The following DNAH14 variants were observed in gnomAD, a reference collection of about 807,000 sequenced individuals.
DNAH14 encodes the protein dynein axonemal heavy chain 14, also known as axonemal beta dynein heavy chain 14.
DNAH14 carries 478 observed loss-of-function variants against 520.9 expected under a neutral mutation model. The ratio of observed to expected loss-of-function variants is 0.92; its 90% confidence interval spans 0.85 to 0.99. DNAH14 has a LOEUF of 0.99. Ranked by LOEUF, DNAH14 falls within the 50% of genes least tolerant of loss-of-function variation. The pLI is 0.00. For synonymous variants in DNAH14, 1,581 were observed against 1,757.2 expected (o/e 0.90, Z 2.51); for missense variants, 4,831 against 5,234.5 (o/e 0.92, Z 2.38).
Position 225,335,940 on chromosome 1 carries a change from CATATATGTA to C in DNAH14, c.10081-1325_10081-1317del, listed in dbSNP as rs1419702786. On this transcript the variant is annotated intron_variant, in intron 66 of 85. Coordinates refer to ENST00000682510, the MANE Select transcript of DNAH14 (RefSeq NM_001367479.1). ...ATATATGCACATATACCTATATATACATATATGTATATATACACATATACATATATGTAC... is the reference window on the plus strand; with the variant it reads ...ATATATGCACATATACCTATATATACTATATACACATATACATATATGTAC... Among the ~76,000 whole-genome samples the C allele has an allele frequency of 7.1e-5, 8 of 113,386 alleles. No individual in the cohort carries two copies. The South Asian group carries it at 2.3e-3, about 32-fold the overall frequency. 74.4% of individuals were successfully genotyped at this position (113,386 alleles called of 152,430 possible). A position where few individuals can be genotyped will look rare whatever the true frequency, so the allele number is the denominator to read the frequency against.
intron 27 of DNAH14, among the ~76,000 whole-genome samples, chr1:225,135,870 G>C (rs979450816): frequency 6.6e-6 from 1 of 151,918 alleles, no homozygotes; most frequent in East Asian, 1.9e-4. Flanking sequence ...ATTTAGGGTA[G>C]TTATCACTTG....
At chr1:225,034,148 A>AG (rs1356479886) in intron 11 of DNAH14, among the ~76,000 whole-genome samples, 1 of 152,066 alleles carries the variant, frequency 6.6e-6, no homozygotes, top group Non-Finnish European at 1.5e-5. Context: ...CTGTTTTTCA[A>AG]GGGGGATGCT....
At chr1:225,168,687 G>C (rs2082291974) in intron 36 of DNAH14, among the ~76,000 whole-genome samples, 1 of 152,216 alleles carries the variant, frequency 6.6e-6, no homozygotes, top group African/African-American at 2.4e-5. Context: ...CGCAGCTCAA[G>C]GAGGCCTGCC....
chr1:225,343,601 T>C lies in DNAH14; in HGVS notation c.10679-2361T>C, dbSNP rs1285121732. On this transcript the variant is annotated intron_variant, in intron 69 of 85. Coordinates refer to ENST00000682510, the MANE Select transcript of DNAH14 (RefSeq NM_001367479.1). ...GCTTAATTATATTTTATATTAGAAATACAGGCAAATCCTCACTTAGAAGCA... is the reference window on the plus strand; with the variant it reads ...GCTTAATTATATTTTATATTAGAAACACAGGCAAATCCTCACTTAGAAGCA... Among the ~76,000 whole-genome samples, 4 of 152,222 alleles carry C rather than the reference T, an allele frequency of 2.6e-5. No individual in the cohort carries two copies. In the East Asian group the frequency reaches 7.7e-4, roughly 29 times the overall value.
intron 42 of DNAH14, among the ~76,000 whole-genome samples, chr1:225,235,331 G>A (rs533318508): frequency 1.1e-4 from 17 of 152,262 alleles, no homozygotes; most frequent in East Asian, 1.9e-4. Flanking sequence ...CTGTTTATGC[G>A]ATGAATTACA....
At chr1:225,154,789 A>AT (rs2080866414) in intron 34 of DNAH14, among the ~76,000 whole-genome samples, 1 of 151,930 alleles carries the variant, frequency 6.6e-6, no homozygotes, top group African/African-American at 2.4e-5. Flanking sequence ...TAAAACTAAG[A>AT]CTCTAAATCT....
chr1:225,259,104 T>G lies in DNAH14; in HGVS notation c.7025-17T>G, dbSNP rs2092841458. The G allele has an allele frequency of 2.0e-6, 3 of 1,536,740 alleles. No individual in the cohort carries two copies. In the South Asian group the frequency reaches 3.7e-5, roughly 19 times the overall value. ...TTTCTTGCATATACATCTAACCTTG[T>G]GTATTTTTTCCCTTAGGAGAATCTG... On this transcript the variant is annotated splice_polypyrimidine_tract_variant and intron_variant, in intron 45 of 85. Coordinates refer to ENST00000682510, the MANE Select transcript of DNAH14 (RefSeq NM_001367479.1).
rs768756821 is a variant in DNAH14 at position 225,276,090 on chromosome 1, A to G, written c.8178+9A>G. ...GTTCAATTTCTTTGGAGGTAAACAT[A>G]TATACTATATAAAAATCTGAGGAGT... On this transcript the variant is annotated intron_variant, in intron 53 of 85. Coordinates refer to ENST00000682510, the MANE Select transcript of DNAH14 (RefSeq NM_001367479.1). The G allele has an allele frequency of 3.8e-6, 1 of 265,432 alleles. No homozygotes were observed. Among genetic ancestry groups the G allele is most frequent in the Non-Finnish European group, 7.9e-6 (1 of 126,582 alleles). 16.4% of individuals were successfully genotyped at this position (265,432 alleles called of 1,614,324 possible). A position where few individuals can be genotyped will look rare whatever the true frequency, so the allele number is the denominator to read the frequency against.
In DNAH14 at chr1:225,290,148, A is replaced by T. The variant is rs1277539265; in HGVS notation, c.8469+66A>T. 4 of 1,154,046 alleles carry T rather than the reference A, an allele frequency of 3.5e-6. No individual in the cohort carries two copies. In the African/African-American group the frequency reaches 6.3e-5, roughly 18 times the overall value. 71.5% of individuals were successfully genotyped at this position (1,154,046 alleles called of 1,614,324 possible). On this transcript the variant is annotated intron_variant, in intron 55 of 85. Transcript: ENST00000682510. ...TCTATGTGGCTACCCCCTCCCCAAA[A>T]ATTTAATATTTGAAAAGAAAACAAG...
intron 73 of DNAH14, among the ~76,000 whole-genome samples, chr1:225,354,595 G>A (rs959171682): frequency 6.6e-6 from 1 of 152,024 alleles, no homozygotes; most frequent in Non-Finnish European, 1.5e-5. Flanking sequence ...GGAAACCAAG[G>A]CTTATAAATT....
chr1:225,295,124 A>C (rs1006712498), intron 55 of DNAH14, among the ~76,000 whole-genome samples: 1 of 151,508 alleles, frequency 6.6e-6, no homozygotes, highest in Non-Finnish European at 1.5e-5. Context: ...TTCACTTCTG[A>C]TTTTATTTAT....
intron 60 of DNAH14, among the ~76,000 whole-genome samples, chr1:225,317,859 T>C (rs940684216): frequency 6.6e-6 from 1 of 152,210 alleles, no homozygotes; most frequent in South Asian, 2.1e-4. Context: ...GACAAGTTTC[T>C]ATTACAATAT....
chr1:225,332,290 C>T (rs1193028111), intron 65 of DNAH14, among the ~76,000 whole-genome samples: 1 of 151,958 alleles, frequency 6.6e-6, no homozygotes, highest in African/African-American at 2.4e-5. Flanking sequence ...GAAAACAGAC[C>T]AATCAAAGGG....
rs2065898051 is a variant in DNAH14 at position 225,023,840 on chromosome 1, GA to G, written c.1340del (p.Lys447ArgfsTer42). On this transcript the variant is annotated frameshift_variant, in exon 11 of 86. Coordinates refer to ENST00000682510, the MANE Select transcript of DNAH14 (RefSeq NM_001367479.1). LOFTEE classifies it high-confidence loss of function. ...NGSAGMPFSV[E>X]KKNENLIRTF... is the part of the protein sequence containing the mutation. ...TTCTGCTGGAATGCCATTTTCAGTG[GA>G]AAAAAAGAATGAAAATCTTATCAGG... The G allele has an allele frequency of 1.1e-5, 16 of 1,520,360 alleles. No homozygotes were observed. Among genetic ancestry groups the G allele is most frequent in the African/African-American group, 1.4e-5 (1 of 71,940 alleles). 94.2% of individuals were successfully genotyped at this position (1,520,360 alleles called of 1,614,324 possible).
intron 46 of DNAH14, among the ~76,000 whole-genome samples, chr1:225,262,822 T>G (rs2092981084): frequency 6.6e-6 from 1 of 152,136 alleles, no homozygotes; most frequent in Admixed American, 6.6e-5. Flanking sequence ...GCTTTGGCTC[T>G]TCAGTCTGTC....
chr1:225,206,555 A>C (rs1184284481), intron 40 of DNAH14, among the ~76,000 whole-genome samples: 1 of 152,210 alleles, frequency 6.6e-6, no homozygotes, highest in African/African-American at 2.4e-5. Flanking sequence ...GTGGGAGGGA[A>C]GTACAAAATA....
intron 36 of DNAH14, among the ~76,000 whole-genome samples, chr1:225,183,617 A>C (rs1001184709): frequency 2.0e-5 from 3 of 152,052 alleles, no homozygotes; most frequent in African/African-American, 7.2e-5. Context: ...TATACAAAGG[A>C]TCAATGAAAC....
At position 225,207,100 on chromosome 1, in the gene DNAH14, A is replaced by C. The variant is rs763556008; in HGVS notation, c.6319A>C (p.Ile2107Leu). Reference protein sequence around the residue: ...KNSVTDGLQFIRNRQKFQPYP... With the variant: ...KNSVTDGLQFLRNRQKFQPYP... ...TAGTGTCACAGACGGACTACAATTT[A>C]TAAGGAATCGTCAGAAATTTCAGCC... Residue 2107 changes from isoleucine (I) to leucine (L), a missense_variant, in exon 41 of 86, where the codon ATA becomes CTA. Physicochemically the swap from Ile to Leu is conservative, Grantham distance 5. Transcript: ENST00000682510. 9.0e-6 allele frequency: 14 copies of C among 1,551,178 alleles called. No individual in the cohort carries two copies. The South Asian group carries it at 1.4e-4, about 16-fold the overall frequency.
At chr1:225,308,470 C>A in intron 60 of DNAH14, 60 bp downstream of exon 60, 1 of 1,465,244 alleles carries the variant, frequency 6.8e-7, no homozygotes, top group Admixed American at 2.9e-5. Context: ...ATTCCCTAAC[C>A]TTCAAATTTA....
Sources: allele counts gnomAD v4.1 joint callset (sites outside exome capture counted in the v4.1 genomes callset), GRCh38; gene constraint gnomAD v4.1.1; transcripts MANE v1.5; gene names NCBI Gene and HGNC (gene_info 2026-07-23, HGNC 2026-07-21).